Variants in PAPPA2 observed in about 807,000 individuals in gnomAD.
The protein encoded by PAPPA2 is pappalysin 2.
PAPPA2 carries 86 observed loss-of-function variants against 176.4 expected under a neutral mutation model. That is an observed-to-expected ratio of 0.49 (90% CI 0.41 to 0.58). The LOEUF (loss-of-function observed/expected upper bound fraction) is 0.58, where lower values mean the gene tolerates loss of function less well. PAPPA2 is among the 20% of genes least tolerant of loss of function. The pLI is 0.00. For missense variants in PAPPA2, 2,073 were observed against 2,256.9 expected (o/e 0.92, Z 1.65); for synonymous variants, 809 against 852.2 (o/e 0.95, Z 0.88).
At chr1:176,488,448 G>A (rs916754647) in intron 1 of PAPPA2, among the ~76,000 whole-genome samples, 1 of 152,230 alleles carries the variant, frequency 6.6e-6, no homozygotes, top group East Asian at 1.9e-4. Context: ...GGTGGAGAGG[G>A]TGTACAAGAG....
At chr1:176,518,045 C>T (rs1194051172) in intron 1 of PAPPA2, among the ~76,000 whole-genome samples, 1 of 152,100 alleles carries the variant, frequency 6.6e-6, no homozygotes, top group Non-Finnish European at 1.5e-5. Flanking sequence ...GTCTAACCCC[C>T]TTCATTTTAG....
In PAPPA2 at chr1:176,520,411, C is replaced by G. The variant is rs77723097; in HGVS notation, c.-916-34996C>G. On this transcript the variant is annotated intron_variant, in intron 1 of 22. Transcript: ENST00000367662. ...CTTTCTAATGTCATCCAGGTTCTGA[C>G]AGTTAAGCCACACTTTCAGAGAGCA... 4.3e-4 allele frequency among the ~76,000 whole-genome samples: 66 copies of G among 152,276 alleles called. No homozygotes were observed. The East Asian group carries it at 0.011, about 25-fold the overall frequency.
At chr1:176,558,065 T>C (rs1651432810) in intron 2 of PAPPA2, among the ~76,000 whole-genome samples, 1 of 152,200 alleles carries the variant, frequency 6.6e-6, no homozygotes, top group Non-Finnish European at 1.5e-5. Context: ...GAGTAACTGT[T>C]CCCTGTTGCC....
intron 1 of PAPPA2, among the ~76,000 whole-genome samples, chr1:176,464,120 A>G (rs1320080127): frequency 1.3e-5 from 2 of 152,198 alleles, no homozygotes; most frequent in Non-Finnish European, 2.9e-5. Flanking sequence ...TAACAGATAC[A>G]TTTTTGAGGA....
intron 14 of PAPPA2, among the ~76,000 whole-genome samples, chr1:176,760,519 T>C (rs1312361815): frequency 6.6e-6 from 1 of 152,156 alleles, no homozygotes; most frequent in Non-Finnish European, 1.5e-5. Context: ...GAATCAAAAT[T>C]TTCAGGGGAT....
chr1:176,835,497 C>T (rs77674752), intron 21 of PAPPA2, among the ~76,000 whole-genome samples: 294 of 152,248 alleles, frequency 1.9e-3, no homozygotes, highest in Middle Eastern at 0.014. Context: ...TTCTCACAAG[C>T]ACTTGCCTTT....
chr1:176,811,756 G>A (rs541325026), intron 21 of PAPPA2, among the ~76,000 whole-genome samples: 17 of 151,980 alleles, frequency 1.1e-4, no homozygotes, highest in African/African-American at 1.9e-4. Flanking sequence ...CTAAAATCCC[G>A]GCATGTCTTT....
At chr1:176,790,756 G>A (rs910848597) in intron 18 of PAPPA2, among the ~76,000 whole-genome samples, 1 of 152,176 alleles carries the variant, frequency 6.6e-6, no homozygotes, top group Non-Finnish European at 1.5e-5. Context: ...TTGAGAGTTA[G>A]TGCTACTCTC....
intron 3 of PAPPA2, among the ~76,000 whole-genome samples, chr1:176,649,606 T>C (rs1657599318): frequency 6.6e-6 from 1 of 151,490 alleles, no homozygotes; most frequent in Non-Finnish European, 1.5e-5. Flanking sequence ...GTATTTCCAT[T>C]TTCATTTGTT....
intron 1 of PAPPA2, among the ~76,000 whole-genome samples, chr1:176,495,061 A>G (rs1647522837): frequency 6.6e-6 from 1 of 152,192 alleles, no homozygotes; most frequent in Admixed American, 6.5e-5. Flanking sequence ...TGCCTGGTAC[A>G]GGGCCTGGGT....
intron 1 of PAPPA2, among the ~76,000 whole-genome samples, chr1:176,489,806 A>G (rs1330545171): frequency 6.6e-6 from 1 of 152,228 alleles, no homozygotes; most frequent in Non-Finnish European, 1.5e-5. Context: ...CTATGGCACT[A>G]AATGAGACTT....
chr1:176,594,342 A>G (rs1302665688), intron 2 of PAPPA2, among the ~76,000 whole-genome samples, 182 bp from the exon 3 acceptor site: 3 of 152,244 alleles, frequency 2.0e-5, no homozygotes, highest in African/African-American at 7.2e-5. Flanking sequence ...GGGATAGGAT[A>G]TGCCAGAACG....
intron 2 of PAPPA2, among the ~76,000 whole-genome samples, chr1:176,576,169 G>A (rs1352844579): frequency 6.6e-6 from 1 of 152,124 alleles, no homozygotes; most frequent in Non-Finnish European, 1.5e-5. Context: ...TTTCTGGAAT[G>A]GTTTACTAAC....
At chr1:176,817,461 T>G (rs1364189907) in intron 21 of PAPPA2, among the ~76,000 whole-genome samples, 1 of 151,962 alleles carries the variant, frequency 6.6e-6, no homozygotes, top group Non-Finnish European at 1.5e-5. Flanking sequence ...AATGACAAGA[T>G]CAGATGTGAT....
intron 1 of PAPPA2, among the ~76,000 whole-genome samples, chr1:176,465,614 A>G (rs1572935804): frequency 6.7e-6 from 1 of 149,078 alleles, no homozygotes; most frequent in East Asian, 1.9e-4. Flanking sequence ...CTGTAACCTC[A>G]TGCCTATCCT....
intron 10 of PAPPA2, 108 bp downstream of exon 10, chr1:176,706,558 C>T: frequency 1.1e-6 from 1 of 892,432 alleles, no homozygotes; most frequent in South Asian, 1.6e-5. Flanking sequence ...TAATAATAAC[C>T]TCTGATGTGT....
chr1:176,596,017 T>G (rs1276190923), intron 3 of PAPPA2, among the ~76,000 whole-genome samples: 3 of 152,232 alleles, frequency 2.0e-5, no homozygotes, highest in Admixed American at 2.0e-4. Flanking sequence ...CTTAGCATCT[T>G]GGCAAAGTAA....
At chr1:176,579,438 C>T (rs776479695) in intron 2 of PAPPA2, among the ~76,000 whole-genome samples, 13 of 152,080 alleles carry the variant, frequency 8.5e-5, no homozygotes, top group East Asian at 1.9e-4. Context: ...ACCAAATGTT[C>T]GGCAAGGCAG....
chr1:176,784,974 C>G (rs1664873539), intron 17 of PAPPA2, among the ~76,000 whole-genome samples: 1 of 152,136 alleles, frequency 6.6e-6, no homozygotes. Flanking sequence ...ATTGGGAGGA[C>G]TCCACCCTTG....
Sources: allele counts gnomAD v4.1 joint callset (sites outside exome capture counted in the v4.1 genomes callset), GRCh38; gene constraint gnomAD v4.1.1; transcripts MANE v1.5; gene names NCBI Gene and HGNC (gene_info 2026-07-23, HGNC 2026-07-21).